The following TBL1X variants were observed in gnomAD, a reference collection of about 807,000 sequenced individuals.
TBL1X encodes the protein transducin beta like 1 X-linked.
TBL1X carries 10 observed loss-of-function variants against 50.7 expected under a neutral mutation model. The observed-to-expected ratio is 0.20, with a 90% CI of 0.12 to 0.33. The LOEUF is 0.33. Among genes scored for constraint, TBL1X ranks in the 10% least tolerant of loss-of-function variants. The pLI, the probability that TBL1X is intolerant of heterozygous loss-of-function variation, is 1.00. For synonymous variants in TBL1X, 190 were observed against 214.7 expected, an observed-to-expected ratio of 0.88 and a Z score of 1.01; for missense variants, 340 against 504.4, an observed-to-expected ratio of 0.67 and a Z score of 3.12.
At chrX:9,706,083 G>A (rs1164147602) in intron 13 of TBL1X, among the ~76,000 whole-genome samples, 1 of 111,144 alleles carries the variant, frequency 9.0e-6, no homozygotes, top group East Asian at 2.8e-4. Flanking sequence ...AAGCCACGAG[G>A]GATCTGCCCC....
At position 9,716,451 on chromosome X, in the gene TBL1X, T is replaced by C; in HGVS notation, c.*205T>C. 1 of 400,482 alleles carries C rather than the reference T, an allele frequency of 2.5e-6. No individual in the cohort carries two copies. Among genetic ancestry groups the C allele is most frequent in the East Asian group, 4.3e-5 (1 of 23,342 alleles). 33.0% of individuals were successfully genotyped at this position (400,482 alleles called of 1,213,427 possible). On this transcript the variant is annotated 3_prime_UTR_variant, in exon 18 of 18. Transcript: ENST00000645353. ...AAAGGCAAGCAAAAACAGAAGCAAATCATATCAAACGGGGATAGAATGGTT... is the reference window on the plus strand; with the variant it reads ...AAAGGCAAGCAAAAACAGAAGCAAACCATATCAAACGGGGATAGAATGGTT...
At chrX:9,703,844 G>C (rs1248990347) in intron 12 of TBL1X, among the ~76,000 whole-genome samples, 1 of 112,208 alleles carries the variant, frequency 8.9e-6, no homozygotes, top group Admixed American at 9.4e-5. Flanking sequence ...CGAGGAATGA[G>C]GTCCATTTGC....
intron 1 of TBL1X, among the ~76,000 whole-genome samples, chrX:9,492,523 T>A (rs1451081602): frequency 9.0e-6 from 1 of 111,709 alleles, no homozygotes; most frequent in East Asian, 2.8e-4. Context: ...TCTAATCATG[T>A]TTTGTCTAAA....
chrX:9,506,936 G>T (rs997586684), intron 2 of TBL1X, among the ~76,000 whole-genome samples: 1 of 111,670 alleles, frequency 9.0e-6, no homozygotes, highest in Non-Finnish European at 1.9e-5. Context: ...ATTTTATGAA[G>T]CCAGCATCAT....
chrX:9,474,305 T>C (rs1172617333), intron 1 of TBL1X, among the ~76,000 whole-genome samples: 4 of 112,997 alleles, frequency 3.5e-5, no homozygotes, highest in African/African-American at 1.3e-4. Flanking sequence ...ATGATGTAGG[T>C]CCCCAAAGGC....
intron 2 of TBL1X, among the ~76,000 whole-genome samples, chrX:9,564,782 C>T (rs1048785340): frequency 3.7e-5 from 4 of 107,418 alleles, no homozygotes; most frequent in Admixed American, 2.0e-4. Flanking sequence ...GTGTATTGGT[C>T]GAAGGTGGGA....
chrX:9,598,074 G>T (rs993258787), intron 2 of TBL1X, among the ~76,000 whole-genome samples: 2 of 111,587 alleles, frequency 1.8e-5, no homozygotes, highest in Non-Finnish European at 1.9e-5. Flanking sequence ...GGACACACTC[G>T]TACAGGGAAA....
chrX:9,504,507 C>G (rs934970321), intron 2 of TBL1X, among the ~76,000 whole-genome samples: 5 of 111,958 alleles, frequency 4.5e-5, no homozygotes, highest in Non-Finnish European at 9.4e-5. Flanking sequence ...CTACAATGAG[C>G]TAAAGGAGCA....
At chrX:9,590,074 A>T in intron 2 of TBL1X, among the ~76,000 whole-genome samples, 1 of 112,148 alleles carries the variant, frequency 8.9e-6, no homozygotes, top group South Asian at 3.8e-4. Flanking sequence ...CCAAAGCATT[A>T]AGAGTGACAA....
chrX:9,498,593 A>C (rs2081984478), intron 1 of TBL1X, among the ~76,000 whole-genome samples: 1 of 112,641 alleles, frequency 8.9e-6, no homozygotes, highest in Non-Finnish European at 1.9e-5. Flanking sequence ...GTTCAGGAGC[A>C]CTGAGAGCCA....
chrX:9,615,667 A>G (rs987148432), intron 2 of TBL1X, among the ~76,000 whole-genome samples: 2 of 112,299 alleles, frequency 1.8e-5, no homozygotes, highest in African/African-American at 3.2e-5. Flanking sequence ...AGATGGGACT[A>G]TGAACTGTGT....
chrX:9,702,441 CAAAAAA>C (rs368394481), intron 12 of TBL1X, among the ~76,000 whole-genome samples: 185 of 45,199 alleles, frequency 4.1e-3, no homozygotes, highest in African/African-American at 0.014. Context: ...GATCCTGTCT[CAAAAAA>C]AAAAAAAAAA....
chrX:9,615,031 A>G lies in TBL1X; in HGVS notation c.-130-25242A>G, dbSNP rs544978359. Among the ~76,000 whole-genome samples, 44 of 111,750 alleles carry G rather than the reference A, an allele frequency of 3.9e-4. No homozygotes were observed. The South Asian group carries it at 0.014, about 36-fold the overall frequency. On this transcript the variant is annotated intron_variant, in intron 2 of 17. Coordinates refer to ENST00000645353, the MANE Select transcript of TBL1X (RefSeq NM_005647.4). ...TGATCAGGAAGTCATTCGCAGCTATAATGGTGATCCTCAGTCACCGGGACT... is the reference window on the plus strand; with the variant it reads ...TGATCAGGAAGTCATTCGCAGCTATGATGGTGATCCTCAGTCACCGGGACT...
intron 13 of TBL1X, among the ~76,000 whole-genome samples, chrX:9,707,591 G>A (rs1437545358): frequency 8.9e-6 from 1 of 112,365 alleles, no homozygotes; most frequent in Non-Finnish European, 1.9e-5. Context: ...CTAGGGATCC[G>A]CTCCCAGGAA....
chrX:9,561,495 C>T (rs912407616), intron 2 of TBL1X, among the ~76,000 whole-genome samples: 11 of 111,467 alleles, frequency 9.9e-5, no homozygotes, highest in Non-Finnish European at 1.7e-4. Flanking sequence ...GTTCTCTGTA[C>T]GTTCTGATTT....
At chrX:9,623,575 T>C (rs1601800806) in intron 2 of TBL1X, among the ~76,000 whole-genome samples, 1 of 111,534 alleles carries the variant, frequency 9.0e-6, no homozygotes, top group East Asian at 2.8e-4. Flanking sequence ...TAGTCCCAGC[T>C]ACTTGGGAGG....
chrX:9,587,240 T>C (rs1471386990), intron 2 of TBL1X, among the ~76,000 whole-genome samples: 1 of 112,137 alleles, frequency 8.9e-6, no homozygotes, highest in Non-Finnish European at 1.9e-5. Context: ...AGCTGTCTGC[T>C]GTCCGCGGCT....
intron 7 of TBL1X, 72 bp from the exon 8 acceptor site, chrX:9,691,507 A>G (rs2083097536): frequency 6.4e-6 from 7 of 1,098,842 alleles, no homozygotes; most frequent in Non-Finnish European, 8.5e-6. Flanking sequence ...TGTTTCTGGA[A>G]ACAAAAGAGC....
At chrX:9,511,557 C>G (rs2082055571) in intron 2 of TBL1X, among the ~76,000 whole-genome samples, 1 of 112,184 alleles carries the variant, frequency 8.9e-6, no homozygotes, top group Admixed American at 9.4e-5. Context: ...AAAATTCTAC[C>G]CCTGGAGGAT....
Sources: gnomAD v4.1 joint callset for allele counts (sites outside exome capture counted in the v4.1 genomes callset) on GRCh38, gnomAD v4.1.1 for gene constraint, MANE v1.5 for transcripts, NCBI Gene and HGNC (gene_info 2026-07-23, HGNC 2026-07-21) for gene names.